Variants in HTR7 observed in about 807,000 individuals in gnomAD.
HTR7 encodes the protein 5-hydroxytryptamine receptor 7.
HTR7 carries 16 observed loss-of-function variants against 34.0 expected under a neutral mutation model. The ratio of observed to expected loss-of-function variants is 0.47; its 90% CI spans 0.32 to 0.71. HTR7 has a LOEUF of 0.71. Ranked by LOEUF, HTR7 falls within the 30% of genes least tolerant of loss-of-function variation. The probability of loss-of-function intolerance (pLI) is 0.04; values close to 1 mark genes in which losing one functional copy is unlikely to be tolerated. For missense variants in HTR7, 504 were observed against 625.5 expected (o/e 0.81, Z 2.07); for synonymous variants, 265 against 260.2 (o/e 1.02, Z -0.18).
chr10:90,832,405 G>C (rs1307407914), intron 1 of HTR7, among the ~76,000 whole-genome samples: 1 of 152,324 alleles, frequency 6.6e-6, no homozygotes. Flanking sequence ...CACACCCTCT[G>C]CAGCTGCTGG....
intron 1 of HTR7, among the ~76,000 whole-genome samples, chr10:90,815,583 T>G (rs1268426008): frequency 1.3e-5 from 2 of 152,100 alleles, no homozygotes. Context: ...GTGGGGGGCC[T>G]GAGGGAGAGC....
chr10:90,765,728 TTTTG>T (rs1845011260), intron 1 of HTR7, among the ~76,000 whole-genome samples: 1 of 152,162 alleles, frequency 6.6e-6, no homozygotes, highest in African/African-American at 2.4e-5. Flanking sequence ...GTGTTTCCAT[TTTTG>T]TTTGTTTCAG....
At chr10:90,814,070 A>G (rs1302480601) in intron 1 of HTR7, among the ~76,000 whole-genome samples, 3 of 151,940 alleles carry the variant, frequency 2.0e-5, no homozygotes, top group African/African-American at 7.3e-5. Context: ...TCCTAAACCC[A>G]CTTCTTGTGA....
chr10:90,771,269 C>T (rs1252298473), intron 1 of HTR7, among the ~76,000 whole-genome samples: 2 of 152,212 alleles, frequency 1.3e-5, no homozygotes, highest in Non-Finnish European at 2.9e-5. Context: ...AGTAAAGCTC[C>T]TCTTCGTCTT....
chr10:90,740,881 A>G lies in HTR7; in HGVS notation c.*1601T>C, dbSNP rs185323671. The G allele has an allele frequency of 7.2e-5, 11 of 152,688 alleles. No homozygotes were observed. Among genetic ancestry groups the G allele is most frequent in the African/African-American group, 2.6e-4 (11 of 41,578 alleles). The allele number at this position is 152,688 out of a possible 1,614,324, so 9.5% of individuals were successfully genotyped here. A position where few individuals can be genotyped will look rare whatever the true frequency, so the allele number is the denominator to read the frequency against. On this transcript the variant is annotated 3_prime_UTR_variant, in exon 4 of 4. Coordinates refer to ENST00000336152, the MANE Select transcript of HTR7 (RefSeq NM_019859.4). ...CTACAAATAAACTTTATTTGATGTA[A>G]TGTAATAAAACATTTTCAAGTTTAA...
In HTR7 at chr10:90,741,174, G is replaced by T. The variant is rs956098589; in HGVS notation, c.*1308C>A. The T allele has an allele frequency of 2.6e-5, 4 of 152,494 alleles. No homozygotes were observed. The highest frequency in any genetic ancestry group is 7.2e-5 in the African/African-American group (3 of 41,402). The allele number at this position is 152,494 out of a possible 1,614,324, so 9.4% of individuals were successfully genotyped here. ...TGTAGGAAAATAATATTCTCTTTCA[G>T]TTCACTCTTATCAAATAAAGAATTG... On this transcript the variant is annotated 3_prime_UTR_variant, in exon 4 of 4. Transcript: ENST00000336152.
intron 1 of HTR7, among the ~76,000 whole-genome samples, chr10:90,791,381 G>A (rs974885295): frequency 6.6e-6 from 1 of 151,998 alleles, no homozygotes; most frequent in African/African-American, 2.4e-5. Context: ...TTTCAACTGG[G>A]AAGTTAAAGA....
At chr10:90,745,697 T>C (rs1040833149) in intron 2 of HTR7, among the ~76,000 whole-genome samples, 1 of 152,202 alleles carries the variant, frequency 6.6e-6, no homozygotes, top group Non-Finnish European at 1.5e-5. Flanking sequence ...CTGAGAGAAA[T>C]GCAAAGAAGA....
Position 90,857,678 on chromosome 10 carries a change from G to T in HTR7, c.-7C>A, listed in dbSNP as rs1846614337. On this transcript the variant is annotated 5_prime_UTR_variant, in exon 1 of 4. Coordinates refer to ENST00000336152, the MANE Select transcript of HTR7 (RefSeq NM_019859.4). The surrounding 1 kb of genome is among the most constrained non-coding windows in gnomAD (Gnocchi z 6.5). ...TGCTGTTAACGTCCATCATCGCGCC[G>T]CCGTGTGCCGCTGCCCATGGAGCCG... The T allele has an allele frequency of 1.3e-6, 2 of 1,533,556 alleles. No individual in the cohort carries two copies. The highest frequency in any genetic ancestry group is 2.5e-5 in the East Asian group (1 of 39,874). 95.0% of individuals were successfully genotyped at this position (1,533,556 alleles called of 1,614,324 possible).
chr10:90,822,679 T>A (rs777265076), intron 1 of HTR7, among the ~76,000 whole-genome samples: 1 of 152,228 alleles, frequency 6.6e-6, no homozygotes, highest in Non-Finnish European at 1.5e-5. Flanking sequence ...ATGGGGAATA[T>A]GCCCCTAGGG....
At chr10:90,800,164 G>A (rs1245279875) in intron 1 of HTR7, among the ~76,000 whole-genome samples, 1 of 152,018 alleles carries the variant, frequency 6.6e-6, no homozygotes, top group African/African-American at 2.4e-5. Context: ...AAAGTGTGGT[G>A]TGAATGTGAA....
intron 1 of HTR7, among the ~76,000 whole-genome samples, chr10:90,831,060 T>A (rs1846162619): frequency 6.6e-6 from 1 of 151,094 alleles, no homozygotes; most frequent in African/African-American, 2.4e-5. Context: ...TTGTACTACA[T>A]AATCTCTAAA....
intron 1 of HTR7, among the ~76,000 whole-genome samples, chr10:90,833,983 G>C (rs2120064040): frequency 6.6e-6 from 1 of 152,252 alleles, no homozygotes; most frequent in Admixed American, 6.5e-5. Flanking sequence ...AAACTTGGGG[G>C]CACTTTGCTG....
At chr10:90,816,393 A>C (rs919060978) in intron 1 of HTR7, among the ~76,000 whole-genome samples, 12 of 152,234 alleles carry the variant, frequency 7.9e-5, no homozygotes, top group African/African-American at 2.9e-4. Context: ...TTAGTAAAAA[A>C]GGAGAGATTA....
intron 1 of HTR7, among the ~76,000 whole-genome samples, chr10:90,765,168 G>C (rs2119735216): frequency 6.6e-6 from 1 of 152,224 alleles, no homozygotes; most frequent in Non-Finnish European, 1.5e-5. Flanking sequence ...CTGGACTTTA[G>C]TTTGTTGGGA....
intron 1 of HTR7, among the ~76,000 whole-genome samples, chr10:90,834,188 C>T (rs536054731): frequency 6.6e-6 from 1 of 152,286 alleles, no homozygotes; most frequent in Admixed American, 6.5e-5. Flanking sequence ...ATCCACATTT[C>T]CAGAGCACAT....
chr10:90,844,013 T>A (rs559621975), intron 1 of HTR7, among the ~76,000 whole-genome samples: 22 of 152,358 alleles, frequency 1.4e-4, no homozygotes, highest in Admixed American at 1.1e-3. Context: ...GCTTTCATGC[T>A]ACAGTGGCAG....
chr10:90,745,611 A>G (rs541837723), intron 2 of HTR7, among the ~76,000 whole-genome samples: 1 of 152,334 alleles, frequency 6.6e-6, no homozygotes, highest in African/African-American at 2.4e-5. Context: ...CCATATTAGA[A>G]ATTTCCTAAA....
At chr10:90,747,008 C>T (rs919349021) in intron 2 of HTR7, among the ~76,000 whole-genome samples, 1 of 152,214 alleles carries the variant, frequency 6.6e-6, no homozygotes, top group African/African-American at 2.4e-5. Flanking sequence ...TGCCTATATA[C>T]TGAAGTCACT....
Sources: allele counts gnomAD v4.1 joint callset (sites outside exome capture counted in the v4.1 genomes callset), GRCh38; gene constraint gnomAD v4.1.1; non-coding constraint Gnocchi (gnomAD v3.1); transcripts MANE v1.5; gene names NCBI Gene and HGNC (gene_info 2026-07-23, HGNC 2026-07-21).